THNSL1: variants seen among roughly 807,000 people sequenced by gnomAD.
The protein encoded by THNSL1 is threonine synthase like 1, also known as threonine synthase-like 1.
THNSL1 carries 48 observed loss-of-function variants against 50.4 expected under a neutral mutation model. The observed-to-expected ratio is 0.95, with a 90% CI of 0.76 to 1.21. The LOEUF is 1.21. Ranked by LOEUF, THNSL1 falls within the 50% of genes most tolerant of loss-of-function variation. THNSL1 has a pLI of 0.00. For missense variants in THNSL1, 896 were observed against 871.7 expected, an observed-to-expected ratio of 1.03 and a Z score of -0.35; for synonymous variants, 309 against 306.1, an observed-to-expected ratio of 1.01 and a Z score of -0.10.
chr10:25,008,511 T>C, the THNSL1 span, among the ~76,000 whole-genome samples: 1 of 152,190 alleles, frequency 6.6e-6, no homozygotes, highest in African/African-American at 2.4e-5. Context: ...GTTAACAGTA[T>C]TGACACTGAA....
At chr10:25,009,793 C>T in the THNSL1 span, among the ~76,000 whole-genome samples, 1 of 152,010 alleles carries the variant, frequency 6.6e-6, no homozygotes, top group Non-Finnish European at 1.5e-5. Flanking sequence ...TATAAAGAGG[C>T]GTTCCCCTGC....
the THNSL1 span, among the ~76,000 whole-genome samples, chr10:24,965,628 G>A: frequency 8.0e-4 from 122 of 152,296 alleles, 2 homozygotes; most frequent in South Asian, 0.013. Flanking sequence ...GAATATTGGC[G>A]AGGATTCCTC....
the THNSL1 span, among the ~76,000 whole-genome samples, chr10:24,970,710 C>A: frequency 0.014 from 2,042 of 147,500 alleles, 44 homozygotes; most frequent in African/African-American, 0.049. Flanking sequence ...GAGATCCTGT[C>A]TCTATTAATA....
In THNSL1 at chr10:25,023,298, G is replaced by A. The variant is rs759204920; in HGVS notation, c.75G>A (p.Thr25=). Residue 25 remains threonine (T), a synonymous_variant, in exon 3 of 3, where the codon ACG becomes ACA. Transcript: ENST00000376356. ...QKCFSSIHVK[T]DKHAQRFLSR... The stretch of plus-strand genomic sequence containing the variant: ...GTTTTTCTAGTATACATGTTAAAAC[G>A]GATAAACATGCACAGCGATTTCTTT... 5.0e-6 allele frequency: 8 copies of A among 1,614,028 alleles called. No homozygotes were observed. Among genetic ancestry groups the A allele is most frequent in the African/African-American group, 1.3e-5 (1 of 75,036 alleles).
Position 25,025,515 on chromosome 10 carries a change from C to T in THNSL1, c.*60C>T. On this transcript the variant is annotated 3_prime_UTR_variant, in exon 3 of 3. Transcript: ENST00000376356. ...AGCATGCAATAATAAATCTCAAACA[C>T]TGATTTGGAGTACAGTAGCATTTTG... 5 of 1,479,240 alleles carry T rather than the reference C, an allele frequency of 3.4e-6. No homozygotes were observed. The highest frequency in any genetic ancestry group is 4.6e-6 in the Non-Finnish European group (5 of 1,094,040). The allele number at this position is 1,479,240 out of a possible 1,614,324, so 91.6% of individuals were successfully genotyped here. A position where few individuals can be genotyped will look rare whatever the true frequency, so the allele number is the denominator to read the frequency against.
the THNSL1 span, among the ~76,000 whole-genome samples, chr10:24,986,580 T>C: frequency 4.6e-5 from 7 of 152,192 alleles, no homozygotes; most frequent in African/African-American, 1.4e-4. Context: ...GTCTATGTAT[T>C]TGTACATTTG....
the THNSL1 span, among the ~76,000 whole-genome samples, chr10:25,007,583 C>A: frequency 3.4e-4 from 52 of 152,170 alleles, 1 homozygote; most frequent in South Asian, 0.011. Context: ...TACAGGCGCC[C>A]GCCACCACAC....
At chr10:25,016,221 T>A (rs1850568846), upstream of THNSL1, 1 of 1,104,722 alleles carries the variant, frequency 9.1e-7, no homozygotes, top group South Asian at 4.3e-5. Context: ...GCAAACTAGG[T>A]CTCCCCTCTT....
the THNSL1 span, among the ~76,000 whole-genome samples, chr10:24,967,092 T>A: frequency 6.6e-6 from 1 of 152,124 alleles, no homozygotes; most frequent in Non-Finnish European, 1.5e-5. Context: ...CCAGAAAGAT[T>A]CCAGATTCCA....
intron 1 of THNSL1, among the ~76,000 whole-genome samples, chr10:25,017,221 T>G (rs1429782311): frequency 1.3e-5 from 2 of 152,186 alleles, no homozygotes; most frequent in Non-Finnish European, 2.9e-5. Flanking sequence ...TGGTGTCCCT[T>G]GTTGGAAAAT....
At chr10:24,996,142 C>T in the THNSL1 span, among the ~76,000 whole-genome samples, 1 of 152,166 alleles carries the variant, frequency 6.6e-6, no homozygotes, top group Non-Finnish European at 1.5e-5. Context: ...TTAAGGGCAA[C>T]ATAATCAATT....
the THNSL1 span, chr10:24,982,822 A>G: frequency 6.6e-6 from 1 of 152,236 alleles, no homozygotes; most frequent in Non-Finnish European, 1.5e-5. Context: ...TAGACCATAG[A>G]GAAAAGTCTA....
chr10:25,010,198 C>T, the THNSL1 span, among the ~76,000 whole-genome samples: 38 of 152,160 alleles, frequency 2.5e-4, no homozygotes, highest in African/African-American at 4.1e-4. Context: ...TGGTTTCAGA[C>T]GGAGATGAGG....
intron 1 of THNSL1, among the ~76,000 whole-genome samples, chr10:25,017,175 C>G (rs1196597052): frequency 1.3e-5 from 2 of 152,196 alleles, no homozygotes; most frequent in African/African-American, 2.4e-5. Flanking sequence ...AGAGGAGAAG[C>G]CTTTTAAGTG....
At chr10:24,990,741 C>A in the THNSL1 span, 6 of 895,214 alleles carry the variant, frequency 6.7e-6, no homozygotes, top group Non-Finnish European at 9.6e-6. Flanking sequence ...TGTAAATTGA[C>A]AAAATTCAGT....
rs755403969 is a variant in THNSL1 at position 25,024,423 on chromosome 10, G to T, written c.1200G>T (p.Arg400Ser). The T allele has an allele frequency of 1.2e-6, 2 of 1,613,818 alleles. No individual in the cohort carries two copies. Among genetic ancestry groups the T allele is most frequent in the Non-Finnish European group, 1.7e-6 (2 of 1,180,024 alleles). The stretch of plus-strand genomic sequence containing the variant: ...GTCTAAATAAGAATGATAAGCAAAG[G>T]ATAGCTGTGGTTGCATTTTTTCCTG... ...FSRLNKNDKQ[R>S]IAVVAFFPEN... The change falls in exon 3 of 3, where the codon AGG becomes AGT. Residue 400 changes from arginine to serine, a missense_variant. Physicochemically the swap from Arg to Ser is moderately radical, Grantham distance 110 (BLOSUM62 -1). Transcript: ENST00000376356.
chr10:25,011,686 G>A (rs1332004123), upstream of THNSL1, among the ~76,000 whole-genome samples: 1 of 152,172 alleles, frequency 6.6e-6, no homozygotes, highest in Non-Finnish European at 1.5e-5. Flanking sequence ...AGGTTTTCAT[G>A]TCTAAAACAC....
the THNSL1 span, among the ~76,000 whole-genome samples, chr10:24,990,263 A>G: frequency 6.6e-6 from 1 of 152,254 alleles, no homozygotes; most frequent in South Asian, 2.1e-4. Context: ...ATAAAATATT[A>G]TTAAATGAAT....
the THNSL1 span, among the ~76,000 whole-genome samples, chr10:25,003,680 C>T: frequency 6.6e-6 from 1 of 152,070 alleles, no homozygotes; most frequent in African/African-American, 2.4e-5. Context: ...ATAATTGGCT[C>T]TATTTTCTTT....
Sources: gnomAD v4.1 joint callset for allele counts (sites outside exome capture counted in the v4.1 genomes callset) on GRCh38, gnomAD v4.1.1 for gene constraint, MANE v1.5 for transcripts, NCBI Gene and HGNC (gene_info 2026-07-23, HGNC 2026-07-21) for gene names.